The following FUT8 variants were observed in gnomAD, a reference collection of about 807,000 sequenced individuals.
FUT8 encodes fucosyltransferase 8.
FUT8 carries 29 observed loss-of-function variants against 71.3 expected under a neutral mutation model. The ratio of observed to expected loss-of-function variants is 0.41; its 90% CI spans 0.30 to 0.55. FUT8 has a LOEUF of 0.55. Among genes scored for constraint, FUT8 ranks in the 20% least tolerant of loss-of-function variants. The pLI, the probability that FUT8 is intolerant of heterozygous loss-of-function variation, is 0.34. For synonymous variants in FUT8, 254 were observed against 239.3 expected, an observed-to-expected ratio of 1.06 and a Z score of -0.57; for missense variants, 544 against 702.1, an observed-to-expected ratio of 0.77 and a Z score of 2.55.
chr14:65,687,686 A>G (rs1893361127), intron 7 of FUT8, among the ~76,000 whole-genome samples: 3 of 151,518 alleles, frequency 2.0e-5, no homozygotes, highest in Admixed American at 6.6e-5. Context: ...GAGTTCCCCT[A>G]TATACCCCCC....
chr14:65,426,457 T>C (rs1477446365), intron 1 of FUT8, among the ~76,000 whole-genome samples: 2 of 151,736 alleles, frequency 1.3e-5, no homozygotes, highest in Non-Finnish European at 2.9e-5. Flanking sequence ...GACCCAAAGA[T>C]ACAGTTAGAA....
intron 1 of FUT8, among the ~76,000 whole-genome samples, chr14:65,455,068 G>GA (rs1006443066): frequency 3.9e-5 from 6 of 152,098 alleles, no homozygotes; most frequent in South Asian, 2.1e-4. Context: ...TGATAAAGGA[G>GA]AAAAAAATCC....
chr14:65,394,844 C>T, the FUT8 span, among the ~76,000 whole-genome samples: 63 of 150,126 alleles, frequency 4.2e-4, no homozygotes, highest in Non-Finnish European at 5.8e-4. Flanking sequence ...CTCCCAGGTT[C>T]AAGCGATTCT....
At chr14:65,490,840 C>T (rs1418805159) in intron 2 of FUT8, among the ~76,000 whole-genome samples, 1 of 152,034 alleles carries the variant, frequency 6.6e-6, no homozygotes, top group South Asian at 2.1e-4. Flanking sequence ...GAGTTAATTA[C>T]CATTTCTTTT....
At chr14:65,677,151 T>TGTGTGTGTGTGTGTGTGCGCGC in intron 7 of FUT8, among the ~76,000 whole-genome samples, 146 of 110,718 alleles carry the variant, frequency 1.3e-3, no homozygotes, top group Non-Finnish European at 2.1e-3. Context: ...TGTGTGTGTG[T>TGTGTGTGTGTGTGTGTGCGCGC]GCGCGCGCGC....
At chr14:65,672,303 A>G (rs1273367293) in intron 7 of FUT8, among the ~76,000 whole-genome samples, 4 of 152,158 alleles carry the variant, frequency 2.6e-5, no homozygotes, top group Admixed American at 1.3e-4. Flanking sequence ...GAAATGATCA[A>G]TTTAGTTTTT....
intron 7 of FUT8, among the ~76,000 whole-genome samples, chr14:65,704,758 G>A (rs1210852983): frequency 4.6e-5 from 7 of 152,184 alleles, no homozygotes; most frequent in African/African-American, 1.4e-4. Flanking sequence ...GGAGCCTTCT[G>A]TTTAGTGGCA....
intron 8 of FUT8, 21 bp downstream of exon 8, chr14:65,722,042 C>G (rs1206200794): frequency 6.2e-7 from 1 of 1,611,958 alleles, no homozygotes. Flanking sequence ...GATTTTTTCC[C>G]TCAAACTGTG....
chr14:65,421,556 C>T (rs562985030), intron 1 of FUT8, among the ~76,000 whole-genome samples: 8 of 152,296 alleles, frequency 5.3e-5, no homozygotes, highest in Non-Finnish European at 8.8e-5. Context: ...GAGTCAAAAG[C>T]AGTCTTGAAC....
the FUT8 span, among the ~76,000 whole-genome samples, chr14:65,399,794 G>A: frequency 6.6e-6 from 1 of 152,142 alleles, no homozygotes; most frequent in Non-Finnish European, 1.5e-5. Context: ...GGTTTCCTAT[G>A]ATATTTTAAA....
At chr14:65,681,720 G>T (rs140143057) in intron 7 of FUT8, among the ~76,000 whole-genome samples, 1 of 152,300 alleles carries the variant, frequency 6.6e-6, no homozygotes, top group African/African-American at 2.4e-5. Context: ...CTATGATCGT[G>T]ATCACATTAC....
chr14:65,501,023 G>A (rs1407473463), intron 2 of FUT8, among the ~76,000 whole-genome samples: 1 of 151,998 alleles, frequency 6.6e-6, no homozygotes, highest in Admixed American at 6.6e-5. Flanking sequence ...TTTTCTTATG[G>A]ACTTACCATG....
chr14:65,450,546 CT>C (rs1478789882), intron 1 of FUT8, among the ~76,000 whole-genome samples: 1 of 152,140 alleles, frequency 6.6e-6, no homozygotes, highest in Non-Finnish European at 1.5e-5. Flanking sequence ...TGAATAATTT[CT>C]TCCATATATT....
At chr14:65,511,740 A>G (rs1475908062) in intron 2 of FUT8, among the ~76,000 whole-genome samples, 2 of 152,132 alleles carry the variant, frequency 1.3e-5, no homozygotes, top group Admixed American at 6.5e-5. Context: ...TTCCATTGGC[A>G]TGGAATATCT....
chr14:65,551,473 T>C (rs1207362343), intron 2 of FUT8, among the ~76,000 whole-genome samples: 1 of 152,160 alleles, frequency 6.6e-6, no homozygotes, highest in Non-Finnish European at 1.5e-5. Flanking sequence ...TACAGCGTGG[T>C]GCCTATAGTT....
chr14:65,676,281 A>G (rs1892714052), intron 7 of FUT8, among the ~76,000 whole-genome samples: 1 of 152,166 alleles, frequency 6.6e-6, no homozygotes, highest in Admixed American at 6.5e-5. Flanking sequence ...AGTGTAAACT[A>G]TTTCATTGGA....
intron 2 of FUT8, chr14:65,458,193 AAAC>A (rs2065922200): frequency 6.6e-6 from 1 of 150,558 alleles, no homozygotes; most frequent in South Asian, 2.1e-4. Context: ...AAAAAAAAAA[AAAC>A]AAAAAAAACA....
At chr14:65,511,147 T>C (rs1296650394) in intron 2 of FUT8, among the ~76,000 whole-genome samples, 1 of 152,162 alleles carries the variant, frequency 6.6e-6, no homozygotes, top group Non-Finnish European at 1.5e-5. Context: ...ATTTTCTTCT[T>C]AATTTCTTCA....
At chr14:65,479,279 T>A (rs901163242) in intron 2 of FUT8, among the ~76,000 whole-genome samples, 1 of 152,228 alleles carries the variant, frequency 6.6e-6, no homozygotes, top group East Asian at 1.9e-4. Flanking sequence ...TACTTTTTCC[T>A]TAACATTAAC....
Sources: gnomAD v4.1 joint callset for allele counts (sites outside exome capture counted in the v4.1 genomes callset) on GRCh38, gnomAD v4.1.1 for gene constraint, MANE v1.5 for transcripts, NCBI Gene and HGNC (gene_info 2026-07-23, HGNC 2026-07-21) for gene names.